The following PAQR8 variants were observed in gnomAD, a reference collection of about 807,000 sequenced individuals.
The protein encoded by PAQR8 is progestin and adipoQ receptor family member 8, also known as membrane progestin receptor beta.
PAQR8 carries 17 observed loss-of-function variants against 25.2 expected under a neutral mutation model. That is an observed-to-expected ratio of 0.67 (90% CI 0.46 to 1.01). The LOEUF (loss-of-function observed/expected upper bound fraction) is 1.01, where lower values mean the gene tolerates loss of function less well. PAQR8 is among the 50% of genes least tolerant of loss of function. The pLI, the probability that PAQR8 is intolerant of heterozygous loss-of-function variation, is 0.00. For missense variants in PAQR8, 392 were observed against 448.4 expected, an observed-to-expected ratio of 0.87 and a Z score of 1.14; for synonymous variants, 204 against 190.6, an observed-to-expected ratio of 1.07 and a Z score of -0.58.
chr6:52,394,831 G>A (rs1581796251), intron 1 of PAQR8, among the ~76,000 whole-genome samples: 1 of 152,154 alleles, frequency 6.6e-6, no homozygotes, highest in East Asian at 1.9e-4. Flanking sequence ...TTAGTTCTGT[G>A]ATTTACTTTT....
At chr6:52,388,455 C>T (rs373767508) in intron 1 of PAQR8, among the ~76,000 whole-genome samples, 13 of 152,002 alleles carry the variant, frequency 8.6e-5, no homozygotes, top group East Asian at 5.8e-4. Context: ...AGCCCCCATA[C>T]GTGGAAAAAT....
At chr6:52,382,158 T>C (rs1478824977) in intron 1 of PAQR8, among the ~76,000 whole-genome samples, 2 of 152,190 alleles carry the variant, frequency 1.3e-5, no homozygotes, top group African/African-American at 2.4e-5. Flanking sequence ...AGGTTGTATA[T>C]GGTAGCATCA....
intron 1 of PAQR8, among the ~76,000 whole-genome samples, chr6:52,396,860 G>A (rs1447912644): frequency 1.3e-5 from 2 of 152,146 alleles, no homozygotes; most frequent in South Asian, 2.1e-4. Flanking sequence ...CATTCTTTTG[G>A]ACACATCTAG....
chr6:52,403,986 G>C lies in PAQR8; in HGVS notation c.773G>C (p.Ser258Thr). 1 of 1,614,190 alleles carries C rather than the reference G, an allele frequency of 6.2e-7. No individual in the cohort carries two copies. Among genetic ancestry groups the C allele is most frequent in the Non-Finnish European group, 8.5e-7 (1 of 1,180,042 alleles). The change falls in exon 2 of 2, where the codon AGC becomes ACC. Residue 258 changes from serine (S) to threonine (T), a missense_variant. Physicochemically the swap from Ser to Thr is moderately conservative, Grantham distance 58. Coordinates refer to ENST00000442253, the MANE Select transcript of PAQR8 (RefSeq NM_133367.5). ...CTCCAGATCCTCTTCTTCCTGGTTA[G>C]CGCTTATTTCTTCTCCTGCCCCGTG... ...HTLQILFFLVSAYFFSCPVPE... is the reference protein window; with the variant it reads ...HTLQILFFLVTAYFFSCPVPE...
Position 52,404,331 on chromosome 6 carries a change from C to G in PAQR8, c.*53C>G. 7.0e-7 allele frequency: 1 copy of G among 1,436,124 alleles called. No homozygotes were observed. Among genetic ancestry groups the G allele is most frequent in the Non-Finnish European group, 9.3e-7 (1 of 1,070,532 alleles). 89.0% of individuals were successfully genotyped at this position (1,436,124 alleles called of 1,614,324 possible). A position where few individuals can be genotyped will look rare whatever the true frequency, so the allele number is the denominator to read the frequency against. On this transcript the variant is annotated 3_prime_UTR_variant, in exon 2 of 2. Coordinates refer to ENST00000442253, the MANE Select transcript of PAQR8 (RefSeq NM_133367.5). Reference sequence around the variant, plus strand: ...GAAGCCCCTCATAATTTGGAGAAAACTTGATACAATAGAAGCTGACTTTTA... The same window carrying G: ...GAAGCCCCTCATAATTTGGAGAAAAGTTGATACAATAGAAGCTGACTTTTA...
intron 1 of PAQR8, among the ~76,000 whole-genome samples, chr6:52,394,837 C>G (rs970757632): frequency 1.1e-4 from 17 of 152,202 alleles, no homozygotes; most frequent in South Asian, 2.1e-4. Flanking sequence ...CTGTGATTTA[C>G]TTTTAAAAAG....
At chr6:52,401,253 C>T (rs6901937) in intron 1 of PAQR8, among the ~76,000 whole-genome samples, 21,260 of 152,148 alleles carry the variant, frequency 0.14, 1,569 homozygotes, top group Middle Eastern at 0.24. Context: ...TTAGTAAGCA[C>T]CTTGAACAGT....
intron 1 of PAQR8, among the ~76,000 whole-genome samples, chr6:52,364,081 A>ATTTTTTT (rs1581786362): frequency 2.6e-5 from 1 of 39,026 alleles, no homozygotes; most frequent in Non-Finnish European, 5.7e-5. Flanking sequence ...ATTGAAAGAT[A>ATTTTTTT]TGTTTTTTTT....
Position 52,403,919 on chromosome 6 carries a change from C to T in PAQR8, c.706C>T (p.His236Tyr), listed in dbSNP as rs200866188. The change falls in exon 2 of 2, where the codon CAC (histidine) becomes TAC (tyrosine). Residue 236 changes from histidine (H) to tyrosine (Y), a missense_variant. His to Tyr is a moderately conservative substitution (Grantham distance 83). Transcript: ENST00000442253. ...TGTGGCACACCGTGTGGCGCTCTGT[C>T]ACCTGGCTGGCTGCCAGGAGCAAGC... ...SPVAHRVALC[H>Y]LAGCQEQAAW... 4.2e-5 allele frequency: 68 copies of T among 1,614,248 alleles called. No individual in the cohort carries two copies. Among genetic ancestry groups the T allele is most frequent in the Non-Finnish European group, 5.4e-5 (64 of 1,180,038 alleles).
chr6:52,399,389 G>A (rs2113950975), intron 1 of PAQR8, among the ~76,000 whole-genome samples: 1 of 152,244 alleles, frequency 6.6e-6, no homozygotes, highest in Middle Eastern at 3.4e-3. Context: ...TAGTTCCCAG[G>A]TCTGAATTGT....
intron 1 of PAQR8, among the ~76,000 whole-genome samples, chr6:52,387,842 T>C (rs559368751): frequency 6.6e-6 from 1 of 152,306 alleles, no homozygotes; most frequent in Admixed American, 6.5e-5. Context: ...ACTGCCTGAG[T>C]TCCTGTCAGA....
chr6:52,377,472 T>G lies in PAQR8; in HGVS notation c.-53+15223T>G, dbSNP rs571037917. On this transcript the variant is annotated intron_variant, in intron 1 of 1. Coordinates refer to ENST00000442253, the MANE Select transcript of PAQR8 (RefSeq NM_133367.5). ...TAATGGTGTTTATGATTGATGTACC[T>G]TGTTGATATTAATAACTGTATCTGC... 7.2e-5 allele frequency among the ~76,000 whole-genome samples: 11 copies of G among 152,204 alleles called. No individual in the cohort carries two copies. In the South Asian group the frequency reaches 1.9e-3, roughly 26 times the overall value.
chr6:52,402,180 A>G (rs1289840270), intron 1 of PAQR8, among the ~76,000 whole-genome samples: 4 of 148,542 alleles, frequency 2.7e-5, no homozygotes, highest in Non-Finnish European at 4.5e-5. Flanking sequence ...CCTGGCCAAC[A>G]TGGTGAAACC....
intron 1 of PAQR8, among the ~76,000 whole-genome samples, chr6:52,372,160 G>C (rs528432045): frequency 6.6e-6 from 1 of 152,232 alleles, no homozygotes; most frequent in East Asian, 1.9e-4. Flanking sequence ...TGTCTGTCAG[G>C]CAGCTGCACG....
At chr6:52,382,037 A>T (rs1763566607) in intron 1 of PAQR8, among the ~76,000 whole-genome samples, 1 of 152,226 alleles carries the variant, frequency 6.6e-6, no homozygotes, top group Admixed American at 6.5e-5. Flanking sequence ...TTGAGGGGCC[A>T]CTCTGGCAAA....
intron 1 of PAQR8, among the ~76,000 whole-genome samples, chr6:52,365,543 CAG>C (rs1262984197): frequency 6.6e-6 from 1 of 152,106 alleles, no homozygotes; most frequent in Non-Finnish European, 1.5e-5. Context: ...GAGTGCTCAA[CAG>C]AGTCTACTTA....
chr6:52,388,357 C>T (rs1763657214), intron 1 of PAQR8, among the ~76,000 whole-genome samples: 1 of 146,614 alleles, frequency 6.8e-6, no homozygotes. Context: ...GCCTGGGCAA[C>T]AGAGCAAGAC....
Position 52,403,186 on chromosome 6 carries a change from C to T in PAQR8, c.-28C>T, listed in dbSNP as rs369803709. On this transcript the variant is annotated 5_prime_UTR_variant, in exon 2 of 2. Transcript: ENST00000442253. ...GGTTGCATACCCTGTCCTGAGGGCG[C>T]GGCACGGAGTGCATGCGGGCCGCTG... 1.9e-6 allele frequency: 3 copies of T among 1,571,826 alleles called. No individual in the cohort carries two copies. Among genetic ancestry groups the T allele is most frequent in the Non-Finnish European group, 2.6e-6 (3 of 1,154,842 alleles).
At chr6:52,392,145 C>T (rs1763715797) in intron 1 of PAQR8, among the ~76,000 whole-genome samples, 1 of 152,064 alleles carries the variant, frequency 6.6e-6, no homozygotes, top group African/African-American at 2.4e-5. Context: ...AGTTCGAGAC[C>T]AGCCTGGGCA....
Sources: allele counts gnomAD v4.1 joint callset (sites outside exome capture counted in the v4.1 genomes callset), GRCh38; gene constraint gnomAD v4.1.1; transcripts MANE v1.5; gene names NCBI Gene and HGNC (gene_info 2026-07-23, HGNC 2026-07-21).